TMEM132D: variants seen among roughly 807,000 people sequenced by gnomAD.
TMEM132D encodes mature OL transmembrane protein.
A neutral mutation model predicts 62.3 loss-of-function variants in TMEM132D; 21 were observed. That is an observed-to-expected ratio of 0.34 (90% CI 0.24 to 0.49). TMEM132D has a LOEUF of 0.49. TMEM132D is among the 20% of genes least tolerant of loss of function. The probability of loss-of-function intolerance (pLI) is 0.99; values close to 1 mark genes in which losing one functional copy is unlikely to be tolerated. For missense variants in TMEM132D, 1,346 were observed against 1,402.8 expected, an observed-to-expected ratio of 0.96 and a Z score of 0.65; for synonymous variants, 621 against 575.6, an observed-to-expected ratio of 1.08 and a Z score of -1.13.
chr12:129,116,500 TA>T (rs34980230), intron 5 of TMEM132D, among the ~76,000 whole-genome samples: 21,847 of 151,860 alleles, frequency 0.14, 1,739 homozygotes, highest in Non-Finnish European at 0.18. Flanking sequence ...CATATCTGAT[TA>T]AAAAAAACTA....
intron 1 of TMEM132D, among the ~76,000 whole-genome samples, chr12:129,795,209 A>G (rs778704639): frequency 6.6e-6 from 1 of 152,146 alleles, no homozygotes; most frequent in African/African-American, 2.4e-5. Flanking sequence ...CTTTTCTTAC[A>G]TCACTGCATT....
intron 5 of TMEM132D, among the ~76,000 whole-genome samples, chr12:129,086,201 C>CGCGTGTGTGTGTGTGTGT (rs1349816832): frequency 7.1e-6 from 1 of 141,038 alleles, no homozygotes; most frequent in Non-Finnish European, 1.5e-5. Flanking sequence ...CACGCGCGCG[C>CGCGTGTGTGTGTGTGTGT]GTGTGTGTGT....
intron 4 of TMEM132D, among the ~76,000 whole-genome samples, chr12:129,219,090 G>C (rs1487594354): frequency 2.0e-5 from 3 of 152,196 alleles, no homozygotes; most frequent in Non-Finnish European, 4.4e-5. Flanking sequence ...ATAATGCCTG[G>C]AGGTGGGGCC....
intron 4 of TMEM132D, among the ~76,000 whole-genome samples, chr12:129,291,602 G>A (rs571356103): frequency 6.6e-6 from 1 of 152,252 alleles, no homozygotes; most frequent in South Asian, 2.1e-4. Flanking sequence ...GTAAAATTTG[G>A]AACACAGGCT....
intron 5 of TMEM132D, among the ~76,000 whole-genome samples, chr12:129,137,003 TC>T (rs536698954): frequency 9.7e-5 from 14 of 143,750 alleles, no homozygotes; most frequent in Non-Finnish European, 1.8e-4. Flanking sequence ...ATCATCAGCA[TC>T]ACCATCACAA....
At chr12:129,745,783 A>G (rs558957196) in intron 1 of TMEM132D, among the ~76,000 whole-genome samples, 64 of 152,356 alleles carry the variant, frequency 4.2e-4, no homozygotes, top group African/African-American at 1.3e-3. Context: ...TACACAAAAC[A>G]AAAAGCAAAT....
chr12:129,258,436 C>T (rs1164178639), intron 4 of TMEM132D, among the ~76,000 whole-genome samples: 4 of 152,156 alleles, frequency 2.6e-5, no homozygotes, highest in Non-Finnish European at 5.9e-5. Flanking sequence ...CTAGAAGTTG[C>T]TTATCCTCAA....
chr12:129,520,160 A>C (rs986584232), intron 3 of TMEM132D, among the ~76,000 whole-genome samples: 7 of 152,140 alleles, frequency 4.6e-5, no homozygotes, highest in Middle Eastern at 3.2e-3. Flanking sequence ...ACAGACATTA[A>C]ATAATCTTAG....
chr12:129,516,735 G>C lies in TMEM132D; in HGVS notation c.1115+14324C>G, dbSNP rs556174514. 4.9e-4 allele frequency among the ~76,000 whole-genome samples: 75 copies of C among 152,292 alleles called. 1 individual carries two copies. The highest frequency in any genetic ancestry group is 1.5e-3 in the African/African-American group (63 of 41,556). ...GAACTAAGGGGATGTACTAACTTCT[G>C]ATGGCTACTGTAACAAATGACCACA... On this transcript the variant is annotated intron_variant, in intron 3 of 8. Coordinates refer to ENST00000422113, the MANE Select transcript of TMEM132D (RefSeq NM_133448.3).
At chr12:129,167,740 T>C (rs1420114691) in intron 5 of TMEM132D, among the ~76,000 whole-genome samples, 1 of 151,932 alleles carries the variant, frequency 6.6e-6, no homozygotes, top group African/African-American at 2.4e-5. Flanking sequence ...ATTAAAATAA[T>C]TTAACAGTGA....
intron 3 of TMEM132D, among the ~76,000 whole-genome samples, chr12:129,487,548 T>A (rs189332412): frequency 6.6e-6 from 1 of 152,158 alleles, no homozygotes; most frequent in African/African-American, 2.4e-5. Context: ...TGAGGCCACC[T>A]GCTATGGTTT....
At position 129,828,683 on chromosome 12, in the gene TMEM132D, G is replaced by GGAAGGGAGGGAGGGA. The variant is rs1469267685; in HGVS notation, c.79+74577_79+74578insTCCCTCCCTCCCTTC. The stretch of plus-strand genomic sequence containing the variant: ...GGAAGGAAGGAAAGGAAAGAAGGGA[G>GGAAGGGAGGGAGGGA]GAAGGAAGGGAGGGAGGGAGGGAGA... On this transcript the variant is annotated intron_variant, in intron 1 of 8. Transcript: ENST00000422113. Among the ~76,000 whole-genome samples, 3 of 38,798 alleles carry GGAAGGGAGGGAGGGA rather than the reference G, an allele frequency of 7.7e-5. 1 individual carries two copies. The highest frequency in any genetic ancestry group is 1.3e-4 in the Non-Finnish European group (2 of 15,826). 25.5% of individuals were successfully genotyped at this position (38,798 alleles called of 152,430 possible).
At chr12:129,868,147 A>C (rs1874119628) in intron 1 of TMEM132D, among the ~76,000 whole-genome samples, 1 of 152,124 alleles carries the variant, frequency 6.6e-6, no homozygotes, top group South Asian at 2.1e-4. Flanking sequence ...TTTCTATGGT[A>C]CATACATGAG....
At chr12:129,424,511 C>T (rs7958940) in intron 3 of TMEM132D, among the ~76,000 whole-genome samples, 80,980 of 151,568 alleles carry the variant, frequency 0.53, 21,924 homozygotes, top group East Asian at 0.75. Context: ...CCATCCTGGC[C>T]AACATGGTGA....
chr12:129,513,297 G>A (rs1875548484), intron 3 of TMEM132D, among the ~76,000 whole-genome samples: 1 of 152,052 alleles, frequency 6.6e-6, no homozygotes, highest in African/African-American at 2.4e-5. Context: ...AACCAATCCA[G>A]CCTTTTGAGG....
intron 3 of TMEM132D, among the ~76,000 whole-genome samples, chr12:129,500,722 C>T (rs1202044945): frequency 1.3e-5 from 2 of 152,224 alleles, no homozygotes; most frequent in African/African-American, 4.8e-5. Flanking sequence ...TGTCTAATTG[C>T]TCCTGGGCTG....
intron 5 of TMEM132D, among the ~76,000 whole-genome samples, chr12:129,193,431 C>T (rs998312098): frequency 1.3e-5 from 2 of 152,070 alleles, no homozygotes; most frequent in South Asian, 2.1e-4. Context: ...GGTTAGAAAC[C>T]CAGAAGGTGC....
chr12:129,581,971 C>T (rs754806303), intron 2 of TMEM132D, among the ~76,000 whole-genome samples: 3 of 152,220 alleles, frequency 2.0e-5, no homozygotes, highest in Admixed American at 2.0e-4. Context: ...TTGCCCAGAA[C>T]ACCATCACTA....
intron 2 of TMEM132D, among the ~76,000 whole-genome samples, chr12:129,582,272 C>T (rs947998547): frequency 1.8e-4 from 27 of 152,318 alleles, no homozygotes; most frequent in Admixed American, 1.7e-3. Flanking sequence ...CTTCTCTCAA[C>T]GTTGTTGGGT....
Sources: gnomAD v4.1 joint callset for allele counts (sites outside exome capture counted in the v4.1 genomes callset) on GRCh38, gnomAD v4.1.1 for gene constraint, MANE v1.5 for transcripts, NCBI Gene and HGNC (gene_info 2026-07-23, HGNC 2026-07-21) for gene names.